Variants in FANCD2 observed in about 807,000 individuals in gnomAD.
FANCD2 encodes FA complementation group D2.
In FANCD2, 131 loss-of-function variants were observed where a neutral mutation model predicts 192.3. The ratio of observed to expected loss-of-function variants is 0.68; its 90% CI spans 0.59 to 0.79. FANCD2 has a LOEUF of 0.79. Among genes scored for constraint, FANCD2 ranks in the 30% least tolerant of loss-of-function variants. FANCD2 has a pLI of 0.00. For synonymous variants in FANCD2, 524 were observed against 612.5 expected (o/e 0.86, Z 2.13); for missense variants, 1,508 against 1,701.6 (o/e 0.89, Z 2.00).
intron 29 of FANCD2, among the ~76,000 whole-genome samples, chr3:10,075,217 C>A (rs945011629): frequency 6.6e-6 from 1 of 150,956 alleles, no homozygotes; most frequent in Non-Finnish European, 1.5e-5. Context: ...GAGTCTCTCT[C>A]TGTCGCCCAG....
intron 12 of FANCD2, 44 bp downstream of exon 12, chr3:10,043,194 T>C (rs747132291): frequency 7.0e-7 from 1 of 1,434,948 alleles, no homozygotes; most frequent in Non-Finnish European, 9.8e-7. Flanking sequence ...TTTTCTGACA[T>C]CCCACTGTCA....
chr3:10,090,300 T>G lies in FANCD2; in HGVS notation c.3692T>G (p.Phe1231Cys). The G allele has an allele frequency of 6.2e-7, 1 of 1,613,362 alleles. No individual in the cohort carries two copies. Residue 1231 changes from phenylalanine (F) to cysteine (C), a missense_variant, in exon 37 of 44, where the codon TTT becomes TGT. Coordinates refer to ENST00000675286, the MANE Select transcript of FANCD2 (RefSeq NM_001018115.3). ...STFPTLTRHT[F>C]VVFFRVMMAE... ...CTTTTCCCGTCTTCTAGGCATACTTTTGTTGTTTTCTTCCGTGTGATGATG... is the reference window on the plus strand; with the variant it reads ...CTTTTCCCGTCTTCTAGGCATACTTGTGTTGTTTTCTTCCGTGTGATGATG...
intron 18 of FANCD2, among the ~76,000 whole-genome samples, chr3:10,056,084 G>A (rs1575777003): frequency 1.3e-5 from 2 of 152,246 alleles, no homozygotes; most frequent in Admixed American, 1.3e-4. Context: ...TTGCCATGTT[G>A]GCCAGGCTGG....
intron 2 of FANCD2, among the ~76,000 whole-genome samples, chr3:10,031,691 A>G (rs1159996396): frequency 6.6e-6 from 1 of 152,192 alleles, no homozygotes; most frequent in Non-Finnish European, 1.5e-5. Context: ...GATATGATAC[A>G]AAGAACCTTC....
At position 10,060,335 on chromosome 3, in the gene FANCD2, C is replaced by T. The variant is rs769844392; in HGVS notation, c.1698C>T (p.Thr566=). ...TGATAAGAAAGCAGCTCTCTAGCAC[C>T]GTATTCAAGTACAAGCTCATTGGGA... ...HLVIRKQLSS[T]VFKYKLIGII... is the part of the protein sequence containing the mutation. The change falls in exon 19 of 44, where the codon ACC becomes ACT. Residue 566 remains threonine, a synonymous_variant. Coordinates refer to ENST00000675286, the MANE Select transcript of FANCD2 (RefSeq NM_001018115.3). The T allele has an allele frequency of 2.9e-5, 46 of 1,613,186 alleles. No individual in the cohort carries two copies. Among genetic ancestry groups the T allele is most frequent in the Admixed American group, 5.0e-5 (3 of 59,996 alleles).
chr3:10,035,599 G>T (rs185649879), intron 6 of FANCD2, among the ~76,000 whole-genome samples: 1 of 151,676 alleles, frequency 6.6e-6, no homozygotes, highest in East Asian at 1.9e-4. Flanking sequence ...CCTCCTCCTC[G>T]TCTCTTTTAT....
chr3:10,041,420 T>C (rs1273887049), intron 9 of FANCD2: 1 of 498,192 alleles, frequency 2.0e-6, no homozygotes. Context: ...GTTTCTACTT[T>C]TATTATTTGA....
In FANCD2 at chr3:10,085,953, G is replaced by A. The variant is rs775336123; in HGVS notation, c.3335+31G>A. On this transcript the variant is annotated intron_variant, in intron 33 of 43. Transcript: ENST00000675286. ...TCATAACTACATAGCCAAGATTGTT[G>A]TCCCAAGAAACTCCTAGGAACAGGA... 4.1e-6 allele frequency: 6 copies of A among 1,462,212 alleles called. No individual in the cohort carries two copies. In the East Asian group the frequency reaches 1.4e-4, roughly 33 times the overall value. The allele number at this position is 1,462,212 out of a possible 1,614,324, so 90.6% of individuals were successfully genotyped here. A position where few individuals can be genotyped will look rare whatever the true frequency, so the allele number is the denominator to read the frequency against.
At chr3:10,057,118 A>C (rs1384273672) in intron 18 of FANCD2, among the ~76,000 whole-genome samples, 1 of 152,178 alleles carries the variant, frequency 6.6e-6, no homozygotes, top group Non-Finnish European at 1.5e-5. Context: ...TGCCTCCCAA[A>C]GTGCTGGCAT....
At chr3:10,028,763 G>T in intron 2 of FANCD2, 42 bp downstream of exon 2, 1 of 1,512,512 alleles carries the variant, frequency 6.6e-7, no homozygotes, top group Non-Finnish European at 9.2e-7. Context: ...CTGTAGCAAT[G>T]TGTGAGGCAT....
chr3:10,045,088 GTTT>G (rs76340293), intron 14 of FANCD2, among the ~76,000 whole-genome samples: 1 of 128,938 alleles, frequency 7.8e-6, no homozygotes, highest in African/African-American at 3.3e-5. Flanking sequence ...CTTTTTAACT[GTTT>G]TTTTTTTTTT....
At chr3:10,037,631 A>G (rs1017244000) in intron 7 of FANCD2, 3 of 152,228 alleles carry the variant, frequency 2.0e-5, no homozygotes, top group Non-Finnish European at 4.4e-5. Context: ...GTGATACCCA[A>G]ATTTGTGAAG....
intron 2 of FANCD2, among the ~76,000 whole-genome samples, chr3:10,030,269 G>C (rs2086560348): frequency 6.6e-6 from 1 of 151,546 alleles, no homozygotes; most frequent in Non-Finnish European, 1.5e-5. Context: ...GCTAATTTTT[G>C]TATTTTTAGT....
chr3:10,101,534 T>G lies in FANCD2; in HGVS notation c.*272T>G. 1 of 444,030 alleles carries G rather than the reference T, an allele frequency of 2.3e-6. No homozygotes were observed. The highest frequency in any genetic ancestry group is 4.2e-6 in the Non-Finnish European group (1 of 240,088). The allele number at this position is 444,030 out of a possible 1,614,324, so 27.5% of individuals were successfully genotyped here. On this transcript the variant is annotated 3_prime_UTR_variant, in exon 44 of 44. Coordinates refer to ENST00000675286, the MANE Select transcript of FANCD2 (RefSeq NM_001018115.3). ...CTGAGTAGCTGGGACGACAGGCACA[T>G]GCCACCATGCCCAGCTAATTTTTGT...
Position 10,094,282 on chromosome 3 carries a change from T to G in FANCD2, c.3889-7T>G. The G allele has an allele frequency of 6.2e-7, 1 of 1,613,214 alleles. No individual in the cohort carries two copies. Among genetic ancestry groups the G allele is most frequent in the Non-Finnish European group, 8.5e-7 (1 of 1,179,172 alleles). ...GCTAGAGGTAACAGTGTGTCTCTCT[T>G]CTTCAGTATGGGCGTCTCTTTGTGG... On this transcript the variant is annotated splice_polypyrimidine_tract_variant and splice_region_variant and intron_variant, in intron 39 of 43. Transcript: ENST00000675286.
intron 30 of FANCD2, among the ~76,000 whole-genome samples, chr3:10,080,724 T>C (rs546822754): frequency 6.6e-6 from 1 of 152,192 alleles, no homozygotes; most frequent in Non-Finnish European, 1.5e-5. Context: ...TGAGCTGTGA[T>C]CGTGCCACTG....
intron 42 of FANCD2, among the ~76,000 whole-genome samples, chr3:10,096,861 T>C (rs1694996906): frequency 6.6e-6 from 1 of 152,226 alleles, no homozygotes; most frequent in Non-Finnish European, 1.5e-5. Context: ...ATCTGTCTTA[T>C]TCCAGAAATT....
In FANCD2 at chr3:10,085,941, G is replaced by C. The variant is rs759189761; in HGVS notation, c.3335+19G>C. The C allele has an allele frequency of 2.0e-6, 3 of 1,527,692 alleles. No homozygotes were observed. The South Asian group carries it at 3.4e-5, about 17-fold the overall frequency. The allele number at this position is 1,527,692 out of a possible 1,614,324, so 94.6% of individuals were successfully genotyped here. Reference sequence around the variant, plus strand: ...TACTCAGGTGAGTCATAACTACATAGCCAAGATTGTTGTCCCAAGAAACTC... The same window carrying C: ...TACTCAGGTGAGTCATAACTACATACCCAAGATTGTTGTCCCAAGAAACTC... On this transcript the variant is annotated intron_variant, in intron 33 of 43. Transcript: ENST00000675286.
rs527995189 is a variant in FANCD2, at chr3:10,088,350, T to C, written c.3467-99T>C. ...CGGGAACGTCTTAGTAAATCTAAACTAATAATCCTTTTGATCAATAATCAT... is the reference window on the plus strand; with the variant it reads ...CGGGAACGTCTTAGTAAATCTAAACCAATAATCCTTTTGATCAATAATCAT... On this transcript the variant is annotated intron_variant, in intron 34 of 43. Coordinates refer to ENST00000675286, the MANE Select transcript of FANCD2 (RefSeq NM_001018115.3). 19 of 836,382 alleles carry C rather than the reference T, an allele frequency of 2.3e-5. No homozygotes were observed. In the South Asian group the frequency reaches 2.5e-4, roughly 11 times the overall value. The allele number at this position is 836,382 out of a possible 1,614,324, so 51.8% of individuals were successfully genotyped here.
Sources: allele counts gnomAD v4.1 joint callset (sites outside exome capture counted in the v4.1 genomes callset), GRCh38; gene constraint gnomAD v4.1.1; transcripts MANE v1.5; gene names NCBI Gene and HGNC (gene_info 2026-07-23, HGNC 2026-07-21).